Variants in COL14A1 observed in about 807,000 individuals in gnomAD.
The protein encoded by COL14A1 is collagen type XIV alpha 1 chain, also known as collagen alpha-1(XIV) chain.
COL14A1 carries 136 observed loss-of-function variants against 230.3 expected under a neutral mutation model. The ratio of observed to expected loss-of-function variants is 0.59; its 90% CI spans 0.51 to 0.68. The LOEUF (loss-of-function observed/expected upper bound fraction) is 0.68, where lower values mean the gene tolerates loss of function less well. Among genes scored for constraint, COL14A1 ranks in the 30% least tolerant of loss-of-function variants. The probability of loss-of-function intolerance (pLI) is 0.00; values close to 1 mark genes in which losing one functional copy is unlikely to be tolerated. For synonymous variants in COL14A1, 792 were observed against 784.1 expected (o/e 1.01, Z -0.17); for missense variants, 1,976 against 2,215.8 (o/e 0.89, Z 2.17).
Position 120,370,416 on chromosome 8 carries a change from G to A in COL14A1, c.5312-736G>A, listed in dbSNP as rs754160894. The A allele has an allele frequency of 3.9e-5, 62 of 1,603,236 alleles. No homozygotes were observed. The East Asian group carries it at 1.3e-3, about 34-fold the overall frequency. On this transcript the variant is annotated intron_variant, in intron 47 of 47. Coordinates refer to ENST00000297848, the MANE Select transcript of COL14A1 (RefSeq NM_021110.4). ...CCATTGGCCCCAGACATTTAGCTGT[G>A]GATACAGAACTGTCCTGTCAACCAC...
rs150549316 is a variant in COL14A1 at position 120,216,468 on chromosome 8, C to T, written c.1715C>T (p.Ala572Val). ...GGTTATCGAATTGTATATAACAATG[C>T]AGATGGGACTGAAATCAATGAGGTA... ...INGYRIVYNN[A>V]DGTEINEVEV... The change falls in exon 14 of 48, where the codon GCA becomes GTA. Residue 572 changes from alanine to valine, a missense_variant. This residue lies in a region of COL14A1 where 1,791 missense variants were observed against 2,019.5 expected (regional missense o/e 0.89). Coordinates refer to ENST00000297848, the MANE Select transcript of COL14A1 (RefSeq NM_021110.4). 1.2e-6 allele frequency: 2 copies of T among 1,610,236 alleles called. No individual in the cohort carries two copies. Among genetic ancestry groups the T allele is most frequent in the Non-Finnish European group, 1.7e-6 (2 of 1,179,018 alleles).
intron 5 of COL14A1, among the ~76,000 whole-genome samples, 196 bp downstream of exon 5, chr8:120,168,443 A>C (rs1815987823): frequency 6.6e-6 from 1 of 152,056 alleles, no homozygotes; most frequent in African/African-American, 2.4e-5. Flanking sequence ...CCTTTCAGGC[A>C]CCTTTCTCAG....
chr8:120,289,507 C>G, intron 33 of COL14A1, 101 bp from the exon 34 acceptor site: 11 of 1,037,710 alleles, frequency 1.1e-5, no homozygotes, highest in Non-Finnish European at 1.5e-5. Flanking sequence ...AATTCTTTCT[C>G]TTCTCTTTCA....
chr8:120,300,375 C>T (rs1311511671), intron 35 of COL14A1, among the ~76,000 whole-genome samples: 8 of 152,032 alleles, frequency 5.3e-5, no homozygotes. Flanking sequence ...ATTATTGTAG[C>T]ATAAAAAAGT....
rs560851682 is a variant in COL14A1, at chr8:120,273,780, C to T, written c.3213+3606C>T. 3.5e-5 allele frequency among the ~76,000 whole-genome samples: 5 copies of T among 144,716 alleles called. No individual in the cohort carries two copies. In the East Asian group the frequency reaches 1.0e-3, roughly 30 times the overall value. 94.9% of individuals were successfully genotyped at this position (144,716 alleles called of 152,430 possible). Reference sequence around the variant, plus strand: ...AGACCAACAACAGGCAGTGAGATTGCATCAGTGATTTTAAAACAGTTTTCC... The same window carrying T: ...AGACCAACAACAGGCAGTGAGATTGTATCAGTGATTTTAAAACAGTTTTCC... On this transcript the variant is annotated intron_variant, in intron 26 of 47. Transcript: ENST00000297848.
At chr8:120,221,560 G>GCACACACA (rs142408225) in intron 14 of COL14A1, among the ~76,000 whole-genome samples, 12,305 of 149,320 alleles carry the variant, frequency 0.082, 1,102 homozygotes, top group East Asian at 0.44. Flanking sequence ...ACACACACAT[G>GCACACACA]CACACACACA....
intron 23 of COL14A1, among the ~76,000 whole-genome samples, chr8:120,257,818 C>T (rs958287555): frequency 1.3e-5 from 2 of 152,152 alleles, no homozygotes; most frequent in Admixed American, 6.5e-5. Context: ...TGAATGCCTC[C>T]GTCAAATCCT....
rs554093324 is a variant in COL14A1, at chr8:120,198,268, T to C, written c.712+338T>C. On this transcript the variant is annotated intron_variant, in intron 7 of 47. Transcript: ENST00000297848. Reference sequence around the variant, plus strand: ...CATCCTCCACCCTGTTATTCAAATATAAACAAATTTCTTCTTATTTTCAAA... The same window carrying C: ...CATCCTCCACCCTGTTATTCAAATACAAACAAATTTCTTCTTATTTTCAAA... 3.6e-3 allele frequency among the ~76,000 whole-genome samples: 552 copies of C among 152,260 alleles called. 2 individuals are homozygous for C. Among genetic ancestry groups the C allele is most frequent in the African/African-American group, 0.012 (517 of 41,554 alleles).
chr8:120,297,255 TA>T (rs1563723978), intron 34 of COL14A1, among the ~76,000 whole-genome samples: 1 of 151,948 alleles, frequency 6.6e-6, no homozygotes. Flanking sequence ...GCTTACTCTT[TA>T]AGTAGAAATG....
intron 40 of COL14A1, among the ~76,000 whole-genome samples, chr8:120,330,389 G>A (rs1280917388): frequency 6.6e-6 from 1 of 152,176 alleles, no homozygotes; most frequent in Non-Finnish European, 1.5e-5. Context: ...AAGGAAAGAG[G>A]TTTAATTGGC....
chr8:120,286,396 A>G (rs150218355), intron 33 of COL14A1, among the ~76,000 whole-genome samples: 2 of 152,326 alleles, frequency 1.3e-5, no homozygotes, highest in South Asian at 2.1e-4. Flanking sequence ...GATTGCACCA[A>G]TACTTTTACA....
In COL14A1 at chr8:120,313,994, A is replaced by G. The variant is rs116039371; in HGVS notation, c.4518A>G (p.Gln1506=). ...LPGPQGPPGP[Q]GPSGLSIQGM... Reference sequence around the variant, plus strand: ...GACCTCAGGGTCCACCTGGACCTCAAGGACCAAGTGGTCTGTCCATTCAAG... The same window carrying G: ...GACCTCAGGGTCCACCTGGACCTCAGGGACCAAGTGGTCTGTCCATTCAAG... The change falls in exon 38 of 48, where the codon CAA becomes CAG. Residue 1506 remains glutamine, a synonymous_variant. Coordinates refer to ENST00000297848, the MANE Select transcript of COL14A1 (RefSeq NM_021110.4). 141 of 1,612,900 alleles carry G rather than the reference A, an allele frequency of 8.7e-5. No individual in the cohort carries two copies. In the African/African-American group the frequency reaches 1.8e-3, roughly 20 times the overall value.
chr8:120,302,233 A>C (rs1820735605), intron 36 of COL14A1, among the ~76,000 whole-genome samples: 2 of 152,310 alleles, frequency 1.3e-5, no homozygotes, highest in South Asian at 4.1e-4. Context: ...GAAGCACCTT[A>C]GTATAATTAG....
At chr8:120,346,503 A>G (rs1822517244) in intron 45 of COL14A1, among the ~76,000 whole-genome samples, 1 of 152,212 alleles carries the variant, frequency 6.6e-6, no homozygotes. Context: ...GGTAGGATAT[A>G]TTCCTTTTAT....
At position 120,132,544 on chromosome 8, in the gene COL14A1, T is replaced by G. The variant is rs574672408; in HGVS notation, c.-38+7204T>G. ...AGAATTGCTTTGGCTATTGAGGCTC[T>G]TTTTTGGTTTTGTTTAGAATTTTTT... On this transcript the variant is annotated intron_variant, in intron 1 of 47. Transcript: ENST00000297848. Among the ~76,000 whole-genome samples the G allele has an allele frequency of 1.0e-4, 14 of 133,442 alleles. No homozygotes were observed. In the East Asian group the frequency reaches 2.6e-3, roughly 25 times the overall value. 87.5% of individuals were successfully genotyped at this position (133,442 alleles called of 152,430 possible).
intron 33 of COL14A1, among the ~76,000 whole-genome samples, chr8:120,286,973 G>C (rs573008169): frequency 6.6e-6 from 1 of 152,276 alleles, no homozygotes; most frequent in South Asian, 2.1e-4. Context: ...GTTAAGCAGT[G>C]CAGCACCTAC....
Position 120,211,932 on chromosome 8 carries a change from G to A in COL14A1, c.1468-516G>A, listed in dbSNP as rs767436747. Reference sequence around the variant, plus strand: ...AGTTGATCTCTTCTGAATACTGGAAGTAACTTGCAATTCAACTGCGTGGAT... The same window carrying A: ...AGTTGATCTCTTCTGAATACTGGAAATAACTTGCAATTCAACTGCGTGGAT... On this transcript the variant is annotated intron_variant, in intron 12 of 47. Coordinates refer to ENST00000297848, the MANE Select transcript of COL14A1 (RefSeq NM_021110.4). Among the ~76,000 whole-genome samples, 76 of 152,218 alleles carry A rather than the reference G, an allele frequency of 5.0e-4. 1 individual carries two copies. Among genetic ancestry groups the A allele is most frequent in the Non-Finnish European group, 2.2e-4 (15 of 68,038 alleles).
Position 120,206,856 on chromosome 8 carries a change from A to G in COL14A1, c.1040-87A>G, listed in dbSNP as rs536713177. ...AAATCTTAGAGGCAGCATAAAATCA[A>G]TATTTATTTCTGTCTAATGAGATGT... On this transcript the variant is annotated intron_variant, in intron 9 of 47. Transcript: ENST00000297848. The G allele has an allele frequency of 4.1e-5, 52 of 1,279,234 alleles. No homozygotes were observed. In the South Asian group the frequency reaches 5.7e-4, roughly 14 times the overall value. 79.2% of individuals were successfully genotyped at this position (1,279,234 alleles called of 1,614,324 possible). A position where few individuals can be genotyped will look rare whatever the true frequency, so the allele number is the denominator to read the frequency against.
chr8:120,178,147 C>T (rs1274323163), intron 5 of COL14A1, among the ~76,000 whole-genome samples: 4 of 151,846 alleles, frequency 2.6e-5, no homozygotes, highest in African/African-American at 4.8e-5. Flanking sequence ...AGTTTTGTTA[C>T]GTAGGTATAC....
Sources: gnomAD v4.1 joint callset for allele counts (sites outside exome capture counted in the v4.1 genomes callset) on GRCh38, gnomAD v4.1.1 for gene constraint, gnomAD v4.1.1 regional missense constraint, MANE v1.5 for transcripts, NCBI Gene and HGNC (gene_info 2026-07-23, HGNC 2026-07-21) for gene names.